Variants in TRPC6 observed in about 807,000 individuals in gnomAD.
TRPC6 encodes the protein short transient receptor potential channel 6.
In TRPC6, 55 loss-of-function variants were observed where a neutral mutation model predicts 90.7. That is an observed-to-expected ratio of 0.61 (90% confidence interval 0.49 to 0.76). The LOEUF (loss-of-function observed/expected upper bound fraction) is 0.76. Among genes scored for constraint, TRPC6 ranks in the 30% least tolerant of loss-of-function variants. The probability of loss-of-function intolerance (pLI) is 0.00; values close to 1 mark genes in which losing one functional copy is unlikely to be tolerated. For missense variants in TRPC6, 989 were observed against 1,122.7 expected (o/e 0.88, Z 1.70); for synonymous variants, 393 against 393.0 (o/e 1.00, Z 0.00).
At chr11:101,515,717 A>C (rs1270719952) in intron 1 of TRPC6, among the ~76,000 whole-genome samples, 3 of 152,162 alleles carry the variant, frequency 2.0e-5, no homozygotes, top group Non-Finnish European at 2.9e-5. Flanking sequence ...GTACTTATCC[A>C]CCCTAAGTAA....
Position 101,491,732 on chromosome 11 carries a change from A to C in TRPC6, c.952T>G (p.Tyr318Asp). 2 of 1,613,238 alleles carry C rather than the reference A, an allele frequency of 1.2e-6. No homozygotes were observed. Among genetic ancestry groups the C allele is most frequent in the Non-Finnish European group, 1.7e-6 (2 of 1,179,604 alleles). The change falls in exon 3 of 13, where the codon TAC (tyrosine) becomes GAC (aspartate). Residue 318 changes from tyrosine to aspartate, a missense_variant. Physicochemically the swap from Tyr to Asp is radical, Grantham distance 160 (BLOSUM62 -3). Coordinates refer to ENST00000344327, the MANE Select transcript of TRPC6 (RefSeq NM_004621.6). ...TTGCACTGCATTGACAGTTTTTTGT[A>C]GTCATTCTAGGAAAAACAAAGCAAA... ...ANIEKEFKND[Y>D]KKLSMQCKDF...
intron 2 of TRPC6, among the ~76,000 whole-genome samples, chr11:101,495,790 T>G (rs1427827587): frequency 6.6e-6 from 1 of 152,072 alleles, no homozygotes; most frequent in Non-Finnish European, 1.5e-5. Flanking sequence ...AACAAATCTT[T>G]TACACACAGC....
chr11:101,538,884 G>T (rs1861112404), intron 1 of TRPC6, among the ~76,000 whole-genome samples: 2 of 152,154 alleles, frequency 1.3e-5, no homozygotes, highest in South Asian at 4.1e-4. Context: ...TCAACTACAT[G>T]CTACAACATT....
At chr11:101,496,029 ATCAT>A (rs1565216876) in intron 2 of TRPC6, among the ~76,000 whole-genome samples, 6 of 152,074 alleles carry the variant, frequency 3.9e-5, no homozygotes, top group African/African-American at 1.4e-4. Flanking sequence ...GAAACTTACA[ATCAT>A]GGCGGAAGGC....
chr11:101,572,171 C>T (rs1861978067), intron 1 of TRPC6, among the ~76,000 whole-genome samples: 1 of 150,554 alleles, frequency 6.6e-6, no homozygotes, highest in African/African-American at 2.4e-5. Flanking sequence ...AGCAAATTTA[C>T]AAGAAAAAAA....
chr11:101,541,292 G>C (rs936649977), intron 1 of TRPC6, among the ~76,000 whole-genome samples: 1 of 152,124 alleles, frequency 6.6e-6, no homozygotes, highest in African/African-American at 2.4e-5. Flanking sequence ...ATTATGTGAG[G>C]TTTTTGACAA....
chr11:101,561,964 T>C (rs1861724754), intron 1 of TRPC6, among the ~76,000 whole-genome samples: 1 of 152,202 alleles, frequency 6.6e-6, no homozygotes, highest in South Asian at 2.1e-4. Flanking sequence ...GGTTCTTTAG[T>C]TCTGATTACT....
At chr11:101,564,563 G>C (rs1052799859) in intron 1 of TRPC6, among the ~76,000 whole-genome samples, 1 of 152,034 alleles carries the variant, frequency 6.6e-6, no homozygotes, top group Non-Finnish European at 1.5e-5. Flanking sequence ...CAATATAAAA[G>C]AAATTGAAGA....
rs1336033021 is a variant in TRPC6, at chr11:101,535,173, A to AG, written c.171-30376dup. ...AGAGCAAGATTCTGTCAGAAAGAAAAGAAAGGAAGGAAGGAAGGAAGGAAG... is the reference window on the plus strand; with the variant it reads ...AGAGCAAGATTCTGTCAGAAAGAAAAGGAAAGGAAGGAAGGAAGGAAGGAAG... On this transcript the variant is annotated intron_variant, in intron 1 of 12. Coordinates refer to ENST00000344327, the MANE Select transcript of TRPC6 (RefSeq NM_004621.6). Among the ~76,000 whole-genome samples, 16 of 104,896 alleles carry AG rather than the reference A, an allele frequency of 1.5e-4. No individual in the cohort carries two copies. The East Asian group carries it at 2.2e-3, about 15-fold the overall frequency. The allele number at this position is 104,896 out of a possible 152,430, so 68.8% of individuals were successfully genotyped here.
chr11:101,472,251 G>T lies in TRPC6; in HGVS notation c.2091C>A (p.His697Gln), dbSNP rs1422125455. Residue 697 changes from histidine (H) to glutamine (Q), a missense_variant, in exon 8 of 13, where the codon CAC becomes CAA. By Grantham distance (24) the His-to-Gln change is conservative. Around this residue, in one of 4 missense-constraint regions of TRPC6, gnomAD observed 118 missense variants for 197.6 expected, o/e 0.60. Coordinates refer to ENST00000344327, the MANE Select transcript of TRPC6 (RefSeq NM_004621.6). ...EVKSVVINYNHKFIENIGYVL... is the reference protein window; with the variant it reads ...EVKSVVINYNQKFIENIGYVL... The stretch of plus-strand genomic sequence containing the variant: ...CGTAACCAATGTTTTCAATGAATTT[G>T]TGGTTATAGTTGATGACCACTGATT... 6.2e-7 allele frequency: 1 copy of T among 1,613,278 alleles called. No homozygotes were observed. Among genetic ancestry groups the T allele is most frequent in the South Asian group, 1.1e-5 (1 of 91,046 alleles).
intron 2 of TRPC6, among the ~76,000 whole-genome samples, chr11:101,493,348 A>C (rs573994074): frequency 1.3e-5 from 2 of 152,318 alleles, no homozygotes; most frequent in South Asian, 4.1e-4. Context: ...CCTCATGTCC[A>C]ACCCACATGT....
intron 4 of TRPC6, among the ~76,000 whole-genome samples, chr11:101,485,126 T>TACACACACACACACACACACACAC (rs10639907): frequency 2.1e-5 from 3 of 143,950 alleles, no homozygotes; most frequent in South Asian, 2.3e-4. Context: ...GGCCAAAGAA[T>TACACACACACACACACACACACAC]ACACACACAC....
intron 2 of TRPC6, among the ~76,000 whole-genome samples, chr11:101,499,794 T>A (rs1485853009): frequency 1.2e-5 from 1 of 80,800 alleles, no homozygotes; most frequent in Admixed American, 1.2e-4. Flanking sequence ...AAAATGTGTA[T>A]ATATATATAC....
chr11:101,535,080 C>T (rs1250122349), intron 1 of TRPC6, among the ~76,000 whole-genome samples: 4 of 151,978 alleles, frequency 2.6e-5, no homozygotes, highest in African/African-American at 7.3e-5. Context: ...GATCAAGAAT[C>T]GCTTAAACCT....
intron 1 of TRPC6, among the ~76,000 whole-genome samples, chr11:101,537,609 T>C (rs1412889227): frequency 1.3e-5 from 2 of 152,210 alleles, no homozygotes; most frequent in Admixed American, 6.5e-5. Flanking sequence ...TTGGGAACTA[T>C]TTCCCTGAGT....
intron 4 of TRPC6, among the ~76,000 whole-genome samples, chr11:101,484,231 G>A (rs1051269339): frequency 5.3e-5 from 8 of 152,186 alleles, no homozygotes; most frequent in Admixed American, 1.3e-4. Context: ...CTGAGGAAGT[G>A]AAGTCCAGAA....
Position 101,476,333 on chromosome 11 carries a change from G to GT in TRPC6, c.1711dup (p.Thr571AsnfsTer20). 2 of 1,614,048 alleles carry GT rather than the reference G, an allele frequency of 1.2e-6. No homozygotes were observed. Among genetic ancestry groups the GT allele is most frequent in the Non-Finnish European group, 1.7e-6 (2 of 1,179,982 alleles). On this transcript the variant is annotated frameshift_variant, in exon 6 of 13. Coordinates refer to ENST00000344327, the MANE Select transcript of TRPC6 (RefSeq NM_004621.6). LOFTEE classifies it high-confidence loss of function. ...GTAGTATTTCACATTGTCTCCCAAT[G>GT]TTACTTTCGTCAAGTCCTTCAAAGT...
rs77869002 is a variant in TRPC6, at chr11:101,525,397, A to G, written c.171-20599T>C. On this transcript the variant is annotated intron_variant, in intron 1 of 12. Coordinates refer to ENST00000344327, the MANE Select transcript of TRPC6 (RefSeq NM_004621.6). ...TAGGAGAAATTTAAAAATAACCGACAGCAAAGATGCTTAGTCTTAGAATTT... is the reference window on the plus strand; with the variant it reads ...TAGGAGAAATTTAAAAATAACCGACGGCAAAGATGCTTAGTCTTAGAATTT... 7.2e-3 allele frequency among the ~76,000 whole-genome samples: 1,095 copies of G among 152,382 alleles called. 3 individuals carry two copies. The highest frequency in any genetic ancestry group is 0.012 in the Non-Finnish European group (786 of 68,044).
Position 101,483,181 on chromosome 11 carries a change from C to G in TRPC6, c.1294-16G>C, listed in dbSNP as rs199976424. ...TCTTCCCCATCTGCCACAACACACA[C>G]CAAAATAAAATCTTAACTTTGTTTT... On this transcript the variant is annotated splice_polypyrimidine_tract_variant and intron_variant, in intron 4 of 12. Transcript: ENST00000344327. 18 of 1,613,586 alleles carry G rather than the reference C, an allele frequency of 1.1e-5. No individual in the cohort carries two copies. Among genetic ancestry groups the G allele is most frequent in the Non-Finnish European group, 1.5e-5 (18 of 1,179,726 alleles).
Sources: gnomAD v4.1 joint callset for allele counts (sites outside exome capture counted in the v4.1 genomes callset) on GRCh38, gnomAD v4.1.1 for gene constraint, gnomAD v4.1.1 regional missense constraint, MANE v1.5 for transcripts, NCBI Gene and HGNC (gene_info 2026-07-23, HGNC 2026-07-21) for gene names.